Variants in GRM4 observed in about 807,000 individuals in gnomAD.
The protein encoded by GRM4 is metabotropic glutamate receptor 4.
Under a neutral mutation model 81.7 loss-of-function variants are expected in GRM4, and 28 were observed. The ratio of observed to expected loss-of-function variants is 0.34; its 90% confidence interval spans 0.25 to 0.47. GRM4 has a LOEUF of 0.47. GRM4 is among the 20% of genes least tolerant of loss of function. GRM4 has a pLI of 1.00. For synonymous variants in GRM4, 488 were observed against 528.8 expected (o/e 0.92, Z 1.06); for missense variants, 948 against 1,290.0 (o/e 0.73, Z 4.06).
At chr6:34,088,570 C>T (rs1355150122) in intron 3 of GRM4, among the ~76,000 whole-genome samples, 1 of 152,214 alleles carries the variant, frequency 6.6e-6, no homozygotes, top group Non-Finnish European at 1.5e-5. Context: ...ACCTCTTAAG[C>T]ACCTGCCGCC....
intron 2 of GRM4, among the ~76,000 whole-genome samples, chr6:34,108,822 C>T (rs750037294): frequency 4.6e-5 from 7 of 152,202 alleles, no homozygotes; most frequent in Non-Finnish European, 8.8e-5. Context: ...CCCCTGCTCA[C>T]GAAGGCACTG....
intron 2 of GRM4, among the ~76,000 whole-genome samples, chr6:34,096,938 G>C (rs1341288378): frequency 3.3e-5 from 5 of 151,990 alleles, no homozygotes; most frequent in Non-Finnish European, 7.4e-5. Flanking sequence ...GTGTGTCTGT[G>C]TGAGTGTGTG....
At chr6:34,147,151 A>G (rs1365242440), upstream of GRM4, among the ~76,000 whole-genome samples, 5 of 152,244 alleles carry the variant, frequency 3.3e-5, no homozygotes, top group Admixed American at 6.5e-5. Context: ...CATTTACCCA[A>G]TCGGTCTGAA....
At position 34,070,208 on chromosome 6, in the gene GRM4, A is replaced by G. The variant is rs1044348284; in HGVS notation, c.737-8180T>C. Among the ~76,000 whole-genome samples, 1 of 152,020 alleles carries G rather than the reference A, an allele frequency of 6.6e-6. No individual in the cohort carries two copies. Among genetic ancestry groups the G allele is most frequent in the African/African-American group, 2.4e-5 (1 of 41,392 alleles). Reference sequence around the variant, plus strand: ...TACATGCACAGCCACTGGACACCCCATTTGAGCCTGGCATCTACTTTGCTC... The same window carrying G: ...TACATGCACAGCCACTGGACACCCCGTTTGAGCCTGGCATCTACTTTGCTC... On this transcript the variant is annotated intron_variant, in intron 3 of 10. Transcript: ENST00000538487. This position sits in a 1 kb window ranked among gnomAD's most constrained non-coding sequence, Gnocchi z 4.6.
chr6:34,040,046 A>C, intron 8 of GRM4, 132 bp downstream of exon 8: 1 of 855,078 alleles, frequency 1.2e-6, no homozygotes, highest in Non-Finnish European at 1.9e-6. Context: ...GGGCACTGGG[A>C]AGGAAGCCCC....
At chr6:34,139,588 A>G (rs1770594158) in intron 1 of GRM4, among the ~76,000 whole-genome samples, 1 of 152,150 alleles carries the variant, frequency 6.6e-6, no homozygotes, top group African/African-American at 2.4e-5. Flanking sequence ...TCATGTTAAC[A>G]ATGACCAGGC....
At chr6:34,148,894 G>T (rs980991537), upstream of GRM4, among the ~76,000 whole-genome samples, 2 of 152,124 alleles carry the variant, frequency 1.3e-5, no homozygotes, top group Admixed American at 6.5e-5. Flanking sequence ...TGACCCGCCC[G>T]TTCCTGCACC....
rs1043757505 is a variant in GRM4 at position 34,152,776 on chromosome 6, A to C, written c.312+2303T>G. Among the ~76,000 whole-genome samples the C allele has an allele frequency of 1.3e-5, 2 of 152,108 alleles. No individual in the cohort carries two copies. Among genetic ancestry groups the C allele is most frequent in the African/African-American group, 4.8e-5 (2 of 41,436 alleles). The stretch of plus-strand genomic sequence containing the variant: ...TAATTCATCAAACTGAAATATTAAT[A>C]GAATTCTAACCAGCTGGAGTGGGGT... On this transcript the variant is annotated intron_variant, in intron 1 of 8. Coordinates refer to the GRM4 transcript ENST00000374177. The surrounding 1 kb of genome is among the most constrained non-coding windows in gnomAD (Gnocchi z 4.1).
At chr6:34,118,703 G>A (rs1769690861) in intron 2 of GRM4, among the ~76,000 whole-genome samples, 2 of 152,176 alleles carry the variant, frequency 1.3e-5, no homozygotes, top group Non-Finnish European at 2.9e-5. Flanking sequence ...CCTACAGCAG[G>A]CATCTGAGAG....
rs200360168 is a variant in GRM4, at chr6:34,090,322, T to C, written c.736+1561A>G. On this transcript the variant is annotated intron_variant, in intron 3 of 10. Coordinates refer to ENST00000538487, the MANE Select transcript of GRM4 (RefSeq NM_000841.4). This position sits in a 1 kb window ranked among gnomAD's most constrained non-coding sequence, Gnocchi z 5.2. ...TGCATTAAACAGAAAAGGTAGGAGG[T>C]TGGTTTGGGGAAGAGTTGAAGCCAC... Among the ~76,000 whole-genome samples, 9 of 151,452 alleles carry C rather than the reference T, an allele frequency of 5.9e-5. No homozygotes were observed. In the East Asian group the frequency reaches 1.6e-3, roughly 26 times the overall value.
Position 34,114,351 on chromosome 6 carries a change from G to A in GRM4, c.519+18627C>T, listed in dbSNP as rs575899620. On this transcript the variant is annotated intron_variant, in intron 2 of 10. Transcript: ENST00000538487. This position sits in a 1 kb window ranked among gnomAD's most constrained non-coding sequence, Gnocchi z 4.3. The stretch of plus-strand genomic sequence containing the variant: ...CTATTTGGTGGATATATGAACCAAT[G>A]GATGTCACTATGCATAAGGCCATCA... Among the ~76,000 whole-genome samples the A allele has an allele frequency of 6.6e-6, 1 of 152,254 alleles. No homozygotes were observed. The highest frequency in any genetic ancestry group is 1.9e-4 in the East Asian group (1 of 5,180).
chr6:34,050,168 C>G (rs1001713628), intron 6 of GRM4, among the ~76,000 whole-genome samples: 1 of 152,206 alleles, frequency 6.6e-6, no homozygotes, highest in African/African-American at 2.4e-5. Flanking sequence ...GGCATGAGCC[C>G]ACCCCAGGGC....
chr6:34,095,109 G>T (rs551283224), intron 2 of GRM4, among the ~76,000 whole-genome samples: 81 of 152,338 alleles, frequency 5.3e-4, no homozygotes, highest in African/African-American at 1.8e-3. Flanking sequence ...GCTCCTGCAG[G>T]ATATGCGCGT....
chr6:34,033,718 C>CCT (rs200287144), intron 9 of GRM4, among the ~76,000 whole-genome samples: 5 of 148,612 alleles, frequency 3.4e-5, no homozygotes. Flanking sequence ...TTTCTCTCTC[C>CCT]CTCTCTCTCT....
chr6:34,124,019 C>G (rs1329857112), intron 2 of GRM4, among the ~76,000 whole-genome samples: 2 of 152,216 alleles, frequency 1.3e-5, no homozygotes, highest in Non-Finnish European at 2.9e-5. Context: ...ACAGGGAGCT[C>G]TCACCTCCGT....
intron 9 of GRM4, among the ~76,000 whole-genome samples, chr6:34,033,681 T>TTC (rs371967309): frequency 2.3e-4 from 34 of 145,020 alleles, no homozygotes; most frequent in African/African-American, 4.5e-4. Flanking sequence ...TTCTTTCTCT[T>TTC]TCTCTCTCTC....
At chr6:34,072,739 CCA>C (rs1025142431) in intron 3 of GRM4, among the ~76,000 whole-genome samples, 1 of 12,504 alleles carries the variant, frequency 8.0e-5, no homozygotes, top group Admixed American at 1.0e-3. Flanking sequence ...CACACCACAC[CCA>C]CACAATCACC....
chr6:34,044,497 TACAC>T lies in GRM4; in HGVS notation c.1169-3753_1169-3750del, dbSNP rs1157844802. Among the ~76,000 whole-genome samples, 13 of 110,302 alleles carry T rather than the reference TACAC, an allele frequency of 1.2e-4. 1 individual carries two copies. Among genetic ancestry groups the T allele is most frequent in the East Asian group, 5.8e-4 (2 of 3,476 alleles). The allele number at this position is 110,302 out of a possible 152,430, so 72.4% of individuals were successfully genotyped here. A position where few individuals can be genotyped will look rare whatever the true frequency, so the allele number is the denominator to read the frequency against. ...ACATACATACACATATACATAGACA[TACAC>T]ACATACACACACAGACATACATACA... is the stretch of plus-strand genomic sequence containing the variant. On this transcript the variant is annotated intron_variant, in intron 6 of 10. Transcript: ENST00000538487.
rs1376574506 is a variant in GRM4, at chr6:34,040,325, G to A, written c.1370-11C>T. The A allele has an allele frequency of 6.2e-7, 1 of 1,613,280 alleles. No individual in the cohort carries two copies. On this transcript the variant is annotated splice_polypyrimidine_tract_variant and intron_variant, in intron 7 of 10. Coordinates refer to ENST00000538487, the MANE Select transcript of GRM4 (RefSeq NM_000841.4). ...GGTTCCCTGCGATGCCTGTAAGGGT[G>A]GGCGGGTGTCTTTGCAGAGCCTTTA...
Sources: gnomAD v4.1 joint callset for allele counts (sites outside exome capture counted in the v4.1 genomes callset) on GRCh38, gnomAD v4.1.1 for gene constraint, Gnocchi (gnomAD v3.1) non-coding constraint, MANE v1.5 for transcripts, NCBI Gene and HGNC (gene_info 2026-07-23, HGNC 2026-07-21) for gene names.